FANCI: variants seen among roughly 807,000 people sequenced by gnomAD.
FANCI encodes the protein Fanconi anemia group I protein.
Under a neutral mutation model 176.1 loss-of-function variants are expected in FANCI, and 156 were observed. The ratio of observed to expected loss-of-function variants is 0.89; its 90% confidence interval spans 0.78 to 1.01. FANCI has a LOEUF of 1.01. FANCI is among the 50% of genes least tolerant of loss of function. The pLI, the probability that FANCI is intolerant of heterozygous loss-of-function variation, is 0.00. For synonymous variants in FANCI, 613 were observed against 541.7 expected, an observed-to-expected ratio of 1.13 and a Z score of -1.83; for missense variants, 1,678 against 1,534.1, an observed-to-expected ratio of 1.09 and a Z score of -1.57.
rs2054153933 is a variant in FANCI, at chr15:89,293,773, A to T, written c.2292-60A>T. On this transcript the variant is annotated intron_variant, in intron 22 of 37. Coordinates refer to ENST00000310775, the MANE Select transcript of FANCI (RefSeq NM_001113378.2). Reference sequence around the variant, plus strand: ...AAGCATTGTGATTATTATCATATGTAAAAGTAAACCACAATATTCTGATGT... The same window carrying T: ...AAGCATTGTGATTATTATCATATGTTAAAGTAAACCACAATATTCTGATGT... 2.0e-6 allele frequency: 3 copies of T among 1,502,752 alleles called. No homozygotes were observed. The Admixed American group carries it at 5.1e-5, about 26-fold the overall frequency. The allele number at this position is 1,502,752 out of a possible 1,614,324, so 93.1% of individuals were successfully genotyped here. A position where few individuals can be genotyped will look rare whatever the true frequency, so the allele number is the denominator to read the frequency against.
rs117450098 is a variant in FANCI, at chr15:89,270,714, A to G, written c.882+2189A>G. Among the ~76,000 whole-genome samples the G allele has an allele frequency of 2.7e-3, 412 of 152,188 alleles. 8 individuals are homozygous for G. The highest frequency in any genetic ancestry group is 0.015 in the East Asian group (77 of 5,184). ...AATGTACTTATTATTCATTACTGTC[A>G]TTATTTGTTTTGAGCACAAAATTAC... On this transcript the variant is annotated intron_variant, in intron 10 of 37. Transcript: ENST00000310775.
intron 2 of FANCI, among the ~76,000 whole-genome samples, chr15:89,251,942 A>G (rs560315217): frequency 1.3e-5 from 2 of 152,320 alleles, no homozygotes; most frequent in Admixed American, 1.3e-4. Flanking sequence ...CTCCATTACT[A>G]TATAATGTTC....
At chr15:89,290,440 A>G (rs2054017151) in intron 19 of FANCI, 159 bp downstream of exon 19, 2 of 652,676 alleles carry the variant, frequency 3.1e-6, no homozygotes, top group Admixed American at 2.2e-5. Context: ...GGGTTGTCTT[A>G]TCTCGGTCAC....
chr15:89,316,844 A>G lies in FANCI; in HGVS notation c.*385A>G, dbSNP rs780226017. On this transcript the variant is annotated 3_prime_UTR_variant, in exon 38 of 38. Transcript: ENST00000310775. ...GCGCTTCACCTGAAAGATAGTGCAA[A>G]TTGGTTAGGATGCCACCTCAAGAAC... The G allele has an allele frequency of 2.5e-6, 4 of 1,578,956 alleles. No individual in the cohort carries two copies. The South Asian group carries it at 4.4e-5, about 17-fold the overall frequency.
intron 2 of FANCI, among the ~76,000 whole-genome samples, chr15:89,248,884 T>C (rs747726670): frequency 7.9e-5 from 12 of 152,156 alleles, no homozygotes; most frequent in Non-Finnish European, 1.3e-4. Flanking sequence ...CCTTTTAGAA[T>C]CCATGTTAAA....
intron 35 of FANCI, among the ~76,000 whole-genome samples, chr15:89,314,238 A>G (rs556964016): frequency 2.0e-5 from 3 of 152,240 alleles, no homozygotes; most frequent in Non-Finnish European, 2.9e-5. Flanking sequence ...GGAAAGATAT[A>G]TAATCCCAGC....
chr15:89,283,314 C>T lies in FANCI; in HGVS notation c.1698+64C>T, dbSNP rs141321359. The T allele has an allele frequency of 2.5e-3, 3,977 of 1,607,648 alleles. 10 individuals carry two copies. The highest frequency in any genetic ancestry group is 0.014 in the Middle Eastern group (85 of 6,042). On this transcript the variant is annotated intron_variant, in intron 17 of 37. Coordinates refer to ENST00000310775, the MANE Select transcript of FANCI (RefSeq NM_001113378.2). ...CATTCATGTGCATCGATGAAATGCA[C>T]GCTGTTTTCTTTTATTCCTGTTATG...
intron 9 of FANCI, among the ~76,000 whole-genome samples, chr15:89,267,074 A>C (rs960553628): frequency 6.6e-6 from 1 of 152,086 alleles, no homozygotes; most frequent in Non-Finnish European, 1.5e-5. Flanking sequence ...AAGGTCAAGC[A>C]CTTTGGGAGG....
Position 89,274,222 on chromosome 15 carries a change from C to T in FANCI, c.1030C>T (p.Leu344Phe). 2 of 1,607,852 alleles carry T rather than the reference C, an allele frequency of 1.2e-6. No homozygotes were observed. Among genetic ancestry groups the T allele is most frequent in the Non-Finnish European group, 1.7e-6 (2 of 1,176,724 alleles). The change falls in exon 12 of 38, where the codon CTC (leucine) becomes TTC (phenylalanine). Residue 344 changes from leucine (L) to phenylalanine (F), a missense_variant. Transcript: ENST00000310775. ...AAAGAGCTTTAAGGATCTTCAACTC[C>T]TCCAAGGCTCAAAATTTCTTCAGAA... is the stretch of plus-strand genomic sequence containing the variant. ...VVKSFKDLQLLQGSKFLQNLV... is the reference protein window; with the variant it reads ...VVKSFKDLQLFQGSKFLQNLV...
Position 89,292,757 on chromosome 15 carries a change from G to A in FANCI, c.2062G>A (p.Gly688Arg), listed in dbSNP as rs1037643863. ...YKNTVIPLQQ[G>R]EEEEEEEEAF... is the part of the protein sequence containing the mutation. ...GAATACAGTCATACCCTTACAGCAGGGAGAGGAGGAAGAGGAGGAGGAAGA... is the reference window on the plus strand; with the variant it reads ...GAATACAGTCATACCCTTACAGCAGAGAGAGGAGGAAGAGGAGGAGGAAGA... Residue 688 changes from glycine (G) to arginine (R), a missense_variant, in exon 21 of 38, where the codon GGA becomes AGA. This residue lies in a region of FANCI where 1,204 missense variants were observed against 1,077.4 expected (regional missense o/e 1.12). Coordinates refer to ENST00000310775, the MANE Select transcript of FANCI (RefSeq NM_001113378.2). 5 of 1,613,998 alleles carry A rather than the reference G, an allele frequency of 3.1e-6. No homozygotes were observed. The highest frequency in any genetic ancestry group is 2.7e-5 in the African/African-American group (2 of 75,040).
At chr15:89,260,676 A>G (rs1350042214) in intron 3 of FANCI, 37 bp from the exon 4 acceptor site, 2 of 1,610,418 alleles carry the variant, frequency 1.2e-6, no homozygotes, top group African/African-American at 2.7e-5. Context: ...TCAATGTTGT[A>G]AGACTTGTTT....
At chr15:89,287,361 C>G (rs1258571111) in intron 18 of FANCI, among the ~76,000 whole-genome samples, 2 of 152,176 alleles carry the variant, frequency 1.3e-5, no homozygotes, top group African/African-American at 4.8e-5. Flanking sequence ...TGGCAGCTTC[C>G]TCATCTCTTT....
At chr15:89,297,543 G>A (rs1000331397) in intron 24 of FANCI, among the ~76,000 whole-genome samples, 5 of 152,300 alleles carry the variant, frequency 3.3e-5, no homozygotes, top group Admixed American at 1.3e-4. Context: ...CGGATCACTC[G>A]TGGTTAGGAG....
chr15:89,244,804 C>T lies in FANCI; in HGVS notation c.-20+771C>T, dbSNP rs76750698. On this transcript the variant is annotated intron_variant, in intron 1 of 37. Coordinates refer to ENST00000310775, the MANE Select transcript of FANCI (RefSeq NM_001113378.2). ...TAATCTCTGAATCCCAAAAGTTGTT[C>T]ATCTAAAATGGGGCTAATATTACAC... Among the ~76,000 whole-genome samples the T allele has an allele frequency of 5.4e-3, 828 of 152,208 alleles. 10 individuals carry two copies. Among genetic ancestry groups the T allele is most frequent in the African/African-American group, 0.018 (757 of 41,550 alleles).
At position 89,260,788 on chromosome 15, in the gene FANCI, C is replaced by T. The variant is rs754443451; in HGVS notation, c.233C>T (p.Ser78Leu). 1.7e-5 allele frequency: 27 copies of T among 1,613,664 alleles called. 1 individual carries two copies. Among genetic ancestry groups the T allele is most frequent in the Admixed American group, 1.7e-4 (10 of 59,988 alleles). Reference protein sequence around the residue: ...IYTCCIQLVESGDLQKEIASE... With the variant: ...IYTCCIQLVELGDLQKEIASE... ...ACTTGTTGTATCCAGTTGGTGGAAT[C>T]GGGGGATTTGCAGAAAGAAATAGCG... The change falls in exon 4 of 38, where the codon TCG becomes TTG. Residue 78 changes from serine (S) to leucine (L), a missense_variant. Around this residue, in one of 3 missense-constraint regions of FANCI, gnomAD observed 469 missense variants for 436.9 expected, o/e 1.07. Transcript: ENST00000310775.
intron 24 of FANCI, among the ~76,000 whole-genome samples, chr15:89,297,979 G>A (rs1345382993): frequency 6.6e-6 from 1 of 152,034 alleles, no homozygotes; most frequent in Non-Finnish European, 1.5e-5. Flanking sequence ...TAATGGTTAA[G>A]TGATTCAAAA....
intron 3 of FANCI, chr15:89,259,348 C>T (rs1364325750): frequency 6.5e-6 from 1 of 154,266 alleles, no homozygotes; most frequent in Non-Finnish European, 1.4e-5. Context: ...TATTTTTCTT[C>T]CCCCAAGTAA....
intron 32 of FANCI, 103 bp from the exon 33 acceptor site, chr15:89,307,373 C>G (rs1596327751): frequency 8.5e-7 from 1 of 1,177,574 alleles, no homozygotes; most frequent in East Asian, 2.5e-5. Flanking sequence ...TTTTGTTTTT[C>G]CTCTTCAGTC....
intron 2 of FANCI, among the ~76,000 whole-genome samples, chr15:89,256,530 A>G (rs924240271): frequency 6.6e-6 from 1 of 152,202 alleles, no homozygotes; most frequent in Non-Finnish European, 1.5e-5. Context: ...TCTCGAGATT[A>G]TCCTCCAATG....
Sources: allele counts gnomAD v4.1 joint callset (sites outside exome capture counted in the v4.1 genomes callset), GRCh38; gene constraint gnomAD v4.1.1; regional missense constraint gnomAD v4.1.1; transcripts MANE v1.5; gene names NCBI Gene and HGNC (gene_info 2026-07-23, HGNC 2026-07-21).